Variants in VIT observed in about 807,000 individuals in gnomAD.
VIT encodes vitrin.
A neutral mutation model predicts 78.0 loss-of-function variants in VIT; 99 were observed. That is an observed-to-expected ratio of 1.27 (90% CI 1.08 to 1.50). The LOEUF (loss-of-function observed/expected upper bound fraction) is 1.50, where lower values mean the gene tolerates loss of function less well. Ranked by LOEUF, VIT falls within the 40% of genes most tolerant of loss-of-function variation. The pLI, the probability that VIT is intolerant of heterozygous loss-of-function variation, is 0.00. For missense variants in VIT, 1,126 were observed against 875.3 expected (o/e 1.29, Z -3.61); for synonymous variants, 374 against 334.3 (o/e 1.12, Z -1.29).
At chr2:36,747,659 T>G (rs182283738) in intron 4 of VIT, among the ~76,000 whole-genome samples, 1 of 152,254 alleles carries the variant, frequency 6.6e-6, no homozygotes, top group Non-Finnish European at 1.5e-5. Flanking sequence ...ACGTGTGAGA[T>G]GGTCTCTTGA....
rs1207894506 is a variant in VIT, at chr2:36,808,468, C to A, written c.1390-4C>A. 1 of 1,598,948 alleles carries A rather than the reference C, an allele frequency of 6.3e-7. No individual in the cohort carries two copies. Among genetic ancestry groups the A allele is most frequent in the East Asian group, 2.2e-5 (1 of 44,492 alleles). On this transcript the variant is annotated splice_region_variant and splice_polypyrimidine_tract_variant and intron_variant, in intron 14 of 15. Transcript: ENST00000379242. ...GGCGTGGGTCCCTCCCCTCTGTCTT[C>A]TAGGCCGTGTGCAGAACAAACGGCT...
chr2:36,790,812 G>C (rs1475984581), intron 12 of VIT, among the ~76,000 whole-genome samples: 2 of 152,176 alleles, frequency 1.3e-5, no homozygotes, highest in African/African-American at 4.8e-5. Context: ...CAAGGATCAA[G>C]CCCCTGTCTT....
At chr2:36,705,125 A>G (rs1257432478) in intron 1 of VIT, among the ~76,000 whole-genome samples, 1 of 152,200 alleles carries the variant, frequency 6.6e-6, no homozygotes, top group Non-Finnish European at 1.5e-5. Context: ...AGAGAAACTC[A>G]TCTTCCAAAG....
intron 1 of VIT, among the ~76,000 whole-genome samples, chr2:36,707,078 C>T (rs1011121559): frequency 6.6e-6 from 1 of 152,130 alleles, no homozygotes; most frequent in Non-Finnish European, 1.5e-5. Flanking sequence ...CTGGTATAAA[C>T]CCCTATTATT....
intron 1 of VIT, among the ~76,000 whole-genome samples, chr2:36,703,237 G>T (rs1244634642): frequency 6.6e-6 from 1 of 152,210 alleles, no homozygotes; most frequent in Admixed American, 6.5e-5. Context: ...AGCTGAGAGA[G>T]GGAGTCAGAG....
At chr2:36,728,189 C>T (rs2148480676) in intron 2 of VIT, among the ~76,000 whole-genome samples, 1 of 152,252 alleles carries the variant, frequency 6.6e-6, no homozygotes, top group African/African-American at 2.4e-5. Context: ...CCCCTGCCTC[C>T]CAAAGTGCTG....
chr2:36,802,743 A>C (rs974257637), intron 13 of VIT, among the ~76,000 whole-genome samples: 2 of 152,236 alleles, frequency 1.3e-5, no homozygotes, highest in East Asian at 1.9e-4. Context: ...TCCAATCAGC[A>C]TACGTTTTTC....
At chr2:36,748,004 A>C (rs981033178) in intron 4 of VIT, among the ~76,000 whole-genome samples, 3 of 152,158 alleles carry the variant, frequency 2.0e-5, no homozygotes, top group Non-Finnish European at 4.4e-5. Flanking sequence ...GCAGAATACG[A>C]AATTTTTGTT....
chr2:36,769,505 G>A (rs1004568703), intron 7 of VIT, among the ~76,000 whole-genome samples: 2 of 152,110 alleles, frequency 1.3e-5, no homozygotes, highest in African/African-American at 4.8e-5. Context: ...CTAGACAAAC[G>A]CTCGGAGCAA....
intron 3 of VIT, among the ~76,000 whole-genome samples, chr2:36,738,113 C>A (rs978998085): frequency 1.3e-5 from 2 of 152,202 alleles, no homozygotes; most frequent in East Asian, 3.8e-4. Flanking sequence ...AACACACACA[C>A]ACATGCATAC....
In VIT at chr2:36,754,959, G is replaced by C; in HGVS notation, c.314G>C (p.Arg105Pro). 2 of 1,614,044 alleles carry C rather than the reference G, an allele frequency of 1.2e-6. No individual in the cohort carries two copies. Among genetic ancestry groups the C allele is most frequent in the Non-Finnish European group, 1.7e-6 (2 of 1,179,984 alleles). Residue 105 changes from arginine to proline, a missense_variant, in exon 5 of 16, where the codon CGG becomes CCG. Transcript: ENST00000379242. ...AATTCAGGAGGGAAAATACTTGTTC[G>C]GAAGGTTGCTGGACAGTCTGGTTAC... ...LDNSGGKILV[R>P]KVAGQSGYKG...
chr2:36,801,416 G>C lies in VIT; in HGVS notation c.1162+12G>C. The C allele has an allele frequency of 6.3e-7, 1 of 1,589,288 alleles. No individual in the cohort carries two copies. The highest frequency in any genetic ancestry group is 1.1e-5 in the South Asian group (1 of 90,500). On this transcript the variant is annotated intron_variant, in intron 13 of 15. Transcript: ENST00000379242. Reference sequence around the variant, plus strand: ...ACTTTCTAATGTAGGTATGTGATCCGGATTCAAATTATACTATCTTGCTAC... The same window carrying C: ...ACTTTCTAATGTAGGTATGTGATCCCGATTCAAATTATACTATCTTGCTAC...
intron 14 of VIT, among the ~76,000 whole-genome samples, chr2:36,806,938 A>T (rs1381342108): frequency 6.6e-6 from 1 of 152,016 alleles, no homozygotes; most frequent in African/African-American, 2.4e-5. Flanking sequence ...TTCTACCAGA[A>T]CCTTAAATCC....
chr2:36,708,049 G>T (rs972891062), intron 1 of VIT, among the ~76,000 whole-genome samples: 2 of 151,956 alleles, frequency 1.3e-5, no homozygotes, highest in African/African-American at 4.8e-5. Flanking sequence ...CTCAGCCAGA[G>T]GAATACATCT....
chr2:36,703,310 T>C (rs765256169), intron 1 of VIT, among the ~76,000 whole-genome samples: 36 of 152,050 alleles, frequency 2.4e-4, no homozygotes, highest in Non-Finnish European at 3.8e-4. Flanking sequence ...TTCCCCTACC[T>C]AGATGCAGAA....
chr2:36,700,114 T>A (rs1664958674), intron 1 of VIT, among the ~76,000 whole-genome samples: 1 of 152,190 alleles, frequency 6.6e-6, no homozygotes, highest in Admixed American at 6.5e-5. Context: ...CATTAACTCA[T>A]CGGATACATT....
chr2:36,713,023 C>T (rs539069264), intron 1 of VIT, among the ~76,000 whole-genome samples: 2 of 152,260 alleles, frequency 1.3e-5, no homozygotes, highest in South Asian at 4.1e-4. Flanking sequence ...CCTTTTGGAG[C>T]TTGCATCATA....
rs1666977281 is a variant in VIT, at chr2:36,809,259, A to G, written c.1903+274A>G. 2.0e-5 allele frequency among the ~76,000 whole-genome samples: 3 copies of G among 152,066 alleles called. No homozygotes were observed. The East Asian group carries it at 5.8e-4, about 29-fold the overall frequency. On this transcript the variant is annotated intron_variant, in intron 15 of 15. Transcript: ENST00000379242. ...CTGGGCGCATTAACCCTTTCTTTAC[A>G]TCCTGCACCCTGAGGCATTTCCCAC...
At chr2:36,758,295 A>G (rs1158025968) in intron 5 of VIT, among the ~76,000 whole-genome samples, 1 of 152,252 alleles carries the variant, frequency 6.6e-6, no homozygotes, top group African/African-American at 2.4e-5. Flanking sequence ...CAGGGGGCTT[A>G]CTGTATTCCA....
Sources: gnomAD v4.1 joint callset for allele counts (sites outside exome capture counted in the v4.1 genomes callset) on GRCh38, gnomAD v4.1.1 for gene constraint, MANE v1.5 for transcripts, NCBI Gene and HGNC (gene_info 2026-07-23, HGNC 2026-07-21) for gene names.